The following ACAA1 variants were observed in gnomAD, a reference collection of about 807,000 sequenced individuals.
The protein encoded by ACAA1 is acetyl-CoA acyltransferase 1, also known as 3-ketoacyl-CoA thiolase, peroxisomal.
ACAA1 carries 44 observed loss-of-function variants against 48.8 expected under a neutral mutation model. That is an observed-to-expected ratio of 0.90 (90% CI 0.71 to 1.16). The LOEUF is 1.16. ACAA1 is among the 50% of genes most tolerant of loss of function. The probability of loss-of-function intolerance (pLI) is 0.00; values close to 1 mark genes in which losing one functional copy is unlikely to be tolerated. For synonymous variants in ACAA1, 233 were observed against 226.5 expected, an observed-to-expected ratio of 1.03 and a Z score of -0.26; for missense variants, 512 against 562.3, an observed-to-expected ratio of 0.91 and a Z score of 0.90.
intron 6 of ACAA1, among the ~76,000 whole-genome samples, chr3:38,128,385 G>C (rs912196472): frequency 6.6e-5 from 10 of 152,192 alleles, no homozygotes; most frequent in African/African-American, 2.2e-4. Flanking sequence ...TGAGAACCTA[G>C]AGCCACAGCT....
rs749902687 is a variant in ACAA1 at position 38,126,464 on chromosome 3, T to C, written c.817+46A>G. ...GGTTCCCAGAGTACAGCACCCAGCA[T>C]GGCCATGGCCTGCTTTCTCATACCC... is the stretch of plus-strand genomic sequence containing the variant. On this transcript the variant is annotated intron_variant, in intron 8 of 11. Transcript: ENST00000333167. The surrounding 1 kb of genome is among the most constrained non-coding windows in gnomAD (Gnocchi z 4.7). 1.2e-6 allele frequency: 2 copies of C among 1,613,846 alleles called. No individual in the cohort carries two copies. The highest frequency in any genetic ancestry group is 1.7e-6 in the Non-Finnish European group (2 of 1,179,798).
chr3:38,136,817 C>A, intron 1 of ACAA1, 48 bp downstream of exon 1: 1 of 1,487,592 alleles, frequency 6.7e-7, no homozygotes, highest in African/African-American at 1.4e-5. Context: ...GGACCCCAGC[C>A]CGCGCCGGCG....
At chr3:38,132,278 C>G in intron 3 of ACAA1, 1 of 227,768 alleles carries the variant, frequency 4.4e-6, no homozygotes, top group South Asian at 8.2e-5. Context: ...CCAAGCACAG[C>G]CCAAAGGCAA....
chr3:38,125,291 T>A (rs1426221480), intron 11 of ACAA1: 1 of 320,724 alleles, frequency 3.1e-6, no homozygotes, highest in Non-Finnish European at 5.6e-6. Flanking sequence ...AGGATTTTTC[T>A]CCTTGACTAG....
At chr3:38,132,181 G>C (rs997455215) in intron 3 of ACAA1, 176 bp from the exon 4 acceptor site, 1 of 500,178 alleles carries the variant, frequency 2.0e-6, no homozygotes, top group African/African-American at 1.9e-5. Flanking sequence ...AGCAGCTACT[G>C]GGCAGACCCC....
chr3:38,130,024 A>G (rs1042813634), intron 5 of ACAA1, among the ~76,000 whole-genome samples: 2 of 152,236 alleles, frequency 1.3e-5, no homozygotes, highest in Non-Finnish European at 2.9e-5. Flanking sequence ...TGGGCGACAG[A>G]GCGAGACTCT....
At chr3:38,128,747 G>A (rs186059484) in intron 6 of ACAA1, among the ~76,000 whole-genome samples, 4 of 152,124 alleles carry the variant, frequency 2.6e-5, no homozygotes, top group East Asian at 3.9e-4. Context: ...GCTCACCACC[G>A]CGCCCGGCTA....
Position 38,126,736 on chromosome 3 carries a change from T to C in ACAA1, c.627-36A>G, listed in dbSNP as rs1213156695. 6.2e-7 allele frequency: 1 copy of C among 1,610,860 alleles called. No homozygotes were observed. Among genetic ancestry groups the C allele is most frequent in the Non-Finnish European group, 8.5e-7 (1 of 1,179,298 alleles). On this transcript the variant is annotated intron_variant, in intron 7 of 11. Coordinates refer to ENST00000333167, the MANE Select transcript of ACAA1 (RefSeq NM_001607.4). This position sits in a 1 kb window ranked among gnomAD's most constrained non-coding sequence, Gnocchi z 4.7. Reference sequence around the variant, plus strand: ...CATGGACAGCCAGCTTCAGACTCCCTTGGGGTTCCCTTCCTCCCTGCCCCC... The same window carrying C: ...CATGGACAGCCAGCTTCAGACTCCCCTGGGGTTCCCTTCCTCCCTGCCCCC...
intron 3 of ACAA1, 161 bp downstream of exon 3, chr3:38,133,791 G>A: frequency 1.5e-6 from 1 of 677,174 alleles, no homozygotes. Flanking sequence ...CTTCAAAGTA[G>A]GGGAGAGGTT....
intron 11 of ACAA1, chr3:38,123,373 T>C (rs112623243): frequency 0.037 from 18,436 of 495,878 alleles, 966 homozygotes; most frequent in African/African-American, 0.18. Flanking sequence ...GTTCAGGGTG[T>C]TTCTGTGTGC....
chr3:38,129,189 G>A lies in ACAA1; in HGVS notation c.545+101C>T. 9.4e-7 allele frequency: 1 copy of A among 1,061,856 alleles called. No homozygotes were observed. The highest frequency in any genetic ancestry group is 2.1e-5 in the Admixed American group (1 of 48,540). 65.8% of individuals were successfully genotyped at this position (1,061,856 alleles called of 1,614,324 possible). On this transcript the variant is annotated intron_variant, in intron 6 of 11. Coordinates refer to ENST00000333167, the MANE Select transcript of ACAA1 (RefSeq NM_001607.4). The surrounding 1 kb of genome is among the most constrained non-coding windows in gnomAD (Gnocchi z 5.3). ...AGCAGACCATGCCCAAAGGAAGGAG[G>A]CCAAGGCTTGGCACCACCAGCCACA... is the stretch of plus-strand genomic sequence containing the variant.
chr3:38,126,287 G>A lies in ACAA1; in HGVS notation c.872C>T (p.Ser291Phe). Reference protein sequence around the residue: ...GAAAILLARRSKAEELGLPIL... With the variant: ...GAAAILLARRFKAEELGLPIL... ...GGGAAGGCCCAACTCTTCTGCCTTG[G>A]ACCTCCGGGCCAGCAGGATGGCAGC... The change falls in exon 9 of 12, where the codon TCC becomes TTC. Residue 291 changes from serine (S) to phenylalanine (F), a missense_variant. Physicochemically the swap from Ser to Phe is radical, Grantham distance 155. Transcript: ENST00000333167. This position sits in a 1 kb window ranked among gnomAD's most constrained non-coding sequence, Gnocchi z 4.7. 1 of 1,614,162 alleles carries A rather than the reference G, an allele frequency of 6.2e-7. No homozygotes were observed. Among genetic ancestry groups the A allele is most frequent in the Non-Finnish European group, 8.5e-7 (1 of 1,180,018 alleles).
intron 11 of ACAA1, 22 bp downstream of exon 11, chr3:38,125,543 A>C (rs749230742): frequency 6.6e-7 from 1 of 1,520,950 alleles, no homozygotes; most frequent in East Asian, 2.3e-5. Flanking sequence ...CTATGACCCC[A>C]CCGCCAGGAG....
In ACAA1 at chr3:38,126,696, C is replaced by A; in HGVS notation, c.631G>T (p.Ala211Ser). 1 of 1,613,382 alleles carries A rather than the reference C, an allele frequency of 6.2e-7. No individual in the cohort carries two copies. Among genetic ancestry groups the A allele is most frequent in the Non-Finnish European group, 8.5e-7 (1 of 1,180,036 alleles). ...TFALASQQKA[A>S]RAQSKGCFQA... Reference sequence around the variant, plus strand: ...AAACAGCCCTTGCTCTGGGCTCTTGCTGCCCTGCCAGCACCATGGACAGCC... The same window carrying A: ...AAACAGCCCTTGCTCTGGGCTCTTGATGCCCTGCCAGCACCATGGACAGCC... Residue 211 changes from alanine (A) to serine (S), a missense_variant, in exon 8 of 12, where the codon GCA becomes TCA. Ala to Ser is a moderately conservative substitution (Grantham distance 99). Coordinates refer to ENST00000333167, the MANE Select transcript of ACAA1 (RefSeq NM_001607.4). This position sits in a 1 kb window ranked among gnomAD's most constrained non-coding sequence, Gnocchi z 4.7.
intron 5 of ACAA1, among the ~76,000 whole-genome samples, chr3:38,130,029 G>A (rs1700755439): frequency 6.6e-6 from 1 of 152,300 alleles, no homozygotes; most frequent in African/African-American, 2.4e-5. Flanking sequence ...GACAGAGCGA[G>A]ACTCTGTCTC....
chr3:38,133,085 G>A (rs895560667), intron 3 of ACAA1, among the ~76,000 whole-genome samples: 1 of 152,174 alleles, frequency 6.6e-6, no homozygotes, highest in Non-Finnish European at 1.5e-5. Context: ...GAGAGGAAGG[G>A]GCTCTCAATT....
Position 38,134,202 on chromosome 3 carries a change from C to A in ACAA1, c.266-193G>T, listed in dbSNP as rs115513747. The A allele has an allele frequency of 7.0e-3, 4,215 of 603,298 alleles. 66 individuals are homozygous for A. The highest frequency in any genetic ancestry group is 6.9e-3 in the Non-Finnish European group (2,322 of 338,522). 37.4% of individuals were successfully genotyped at this position (603,298 alleles called of 1,614,324 possible). A position where few individuals can be genotyped will look rare whatever the true frequency, so the allele number is the denominator to read the frequency against. On this transcript the variant is annotated intron_variant, in intron 2 of 11. Coordinates refer to ENST00000333167, the MANE Select transcript of ACAA1 (RefSeq NM_001607.4). ...CCATACAACAGCTTGTCCTGGTCATCCACCAGCTCCTGTCCCTGAGGGTCC... is the reference window on the plus strand; with the variant it reads ...CCATACAACAGCTTGTCCTGGTCATACACCAGCTCCTGTCCCTGAGGGTCC...
rs753183154 is a variant in ACAA1 at position 38,126,749 on chromosome 3, C to T, written c.627-49G>A. 2 of 1,605,298 alleles carry T rather than the reference C, an allele frequency of 1.2e-6. No homozygotes were observed. The highest frequency in any genetic ancestry group is 1.1e-5 in the South Asian group (1 of 90,802). Reference sequence around the variant, plus strand: ...CTTCAGACTCCCTTGGGGTTCCCTTCCTCCCTGCCCCCAACCCCTATCCAT... The same window carrying T: ...CTTCAGACTCCCTTGGGGTTCCCTTTCTCCCTGCCCCCAACCCCTATCCAT... On this transcript the variant is annotated intron_variant, in intron 7 of 11. Coordinates refer to ENST00000333167, the MANE Select transcript of ACAA1 (RefSeq NM_001607.4). The surrounding 1 kb of genome is among the most constrained non-coding windows in gnomAD (Gnocchi z 4.7).
intron 11 of ACAA1, chr3:38,124,146 G>A (rs1700621194): frequency 6.6e-6 from 1 of 152,148 alleles, no homozygotes; most frequent in Admixed American, 6.5e-5. Context: ...ACTCAGGTAT[G>A]CTAACAATAG....
Sources: gnomAD v4.1 joint callset for allele counts (sites outside exome capture counted in the v4.1 genomes callset) on GRCh38, gnomAD v4.1.1 for gene constraint, Gnocchi (gnomAD v3.1) non-coding constraint, MANE v1.5 for transcripts, NCBI Gene and HGNC (gene_info 2026-07-23, HGNC 2026-07-21) for gene names.